Variants in CSMD3 observed in about 807,000 individuals in gnomAD.
CSMD3 encodes the protein CUB and Sushi multiple domains 3.
A neutral mutation model predicts 435.2 loss-of-function variants in CSMD3; 177 were observed. That is an observed-to-expected ratio of 0.41 (90% CI 0.36 to 0.46). The LOEUF (loss-of-function observed/expected upper bound fraction) is 0.46, where lower values mean the gene tolerates loss of function less well. Ranked by LOEUF, CSMD3 falls within the 20% of genes least tolerant of loss-of-function variation. The pLI, the probability that CSMD3 is intolerant of heterozygous loss-of-function variation, is 0.34. For missense variants in CSMD3, 4,265 were observed against 4,504.6 expected (o/e 0.95, Z 1.52); for synonymous variants, 1,656 against 1,520.5 (o/e 1.09, Z -2.07).
chr8:112,313,891 A>G lies in CSMD3; in HGVS notation c.7696+15T>C, dbSNP rs763987171. On this transcript the variant is annotated intron_variant, in intron 49 of 70. Transcript: ENST00000297405. ...TGATAGTGAGATCTGTCCTGAAGTT[A>G]TAAGTTTTACATACCTATATATCTT... 1.3e-6 allele frequency: 2 copies of G among 1,597,720 alleles called. No homozygotes were observed. Among genetic ancestry groups the G allele is most frequent in the South Asian group, 1.1e-5 (1 of 90,768 alleles).
chr8:112,916,710 A>C (rs7015844), intron 10 of CSMD3, among the ~76,000 whole-genome samples: 67,357 of 151,694 alleles, frequency 0.44, 15,122 homozygotes, highest in East Asian at 0.51. Context: ...TTTTCTAATT[A>C]CCTTTGCATA....
chr8:112,636,580 C>G (rs2074666514), intron 22 of CSMD3, among the ~76,000 whole-genome samples: 2 of 142,610 alleles, frequency 1.4e-5, no homozygotes, highest in South Asian at 4.5e-4. Context: ...ATCTATCTAT[C>G]TATCTAATTT....
chr8:112,339,189 C>T (rs1824857577), intron 42 of CSMD3, among the ~76,000 whole-genome samples: 1 of 152,006 alleles, frequency 6.6e-6, no homozygotes, highest in South Asian at 2.1e-4. Context: ...AGGCCGAGTC[C>T]TCGTTTGCAC....
chr8:113,364,338 G>A (rs2133011118), intron 1 of CSMD3, among the ~76,000 whole-genome samples: 1 of 151,812 alleles, frequency 6.6e-6, no homozygotes, highest in East Asian at 1.9e-4. Context: ...GTATAGTTGA[G>A]GAGAATATTA....
At chr8:112,663,525 T>C (rs1310499187) in intron 17 of CSMD3, among the ~76,000 whole-genome samples, 3 of 150,268 alleles carry the variant, frequency 2.0e-5, no homozygotes, top group African/African-American at 7.3e-5. Flanking sequence ...TTAGGAGATA[T>C]ACTTAATGTT....
At chr8:112,706,087 G>T (rs1367690034) in intron 13 of CSMD3, among the ~76,000 whole-genome samples, 2 of 151,982 alleles carry the variant, frequency 1.3e-5, no homozygotes, top group Non-Finnish European at 2.9e-5. Flanking sequence ...TCAGATATAT[G>T]CTCAAGGGCA....
intron 1 of CSMD3, among the ~76,000 whole-genome samples, chr8:113,319,599 G>C (rs2093935214): frequency 6.6e-6 from 1 of 151,808 alleles, no homozygotes. Context: ...TTTGTAGTTT[G>C]AGCTTTTTGG....
intron 2 of CSMD3, among the ~76,000 whole-genome samples, chr8:113,293,055 C>G (rs1363934083): frequency 6.6e-6 from 1 of 151,730 alleles, no homozygotes; most frequent in African/African-American, 2.4e-5. Context: ...ATCATTGCAA[C>G]CATGACACAC....
chr8:112,310,013 C>T (rs904003404), intron 50 of CSMD3, among the ~76,000 whole-genome samples: 3 of 152,038 alleles, frequency 2.0e-5, no homozygotes, highest in Non-Finnish European at 4.4e-5. Context: ...CTATCTGCAT[C>T]TTTACATGCT....
At chr8:113,203,768 T>G (rs1373989581) in intron 3 of CSMD3, among the ~76,000 whole-genome samples, 1 of 152,158 alleles carries the variant, frequency 6.6e-6, no homozygotes, top group African/African-American at 2.4e-5. Context: ...GTAGATAACA[T>G]GTACAGACTT....
intron 1 of CSMD3, among the ~76,000 whole-genome samples, chr8:113,352,254 C>T (rs906319013): frequency 2.0e-5 from 3 of 151,880 alleles, no homozygotes; most frequent in Admixed American, 2.0e-4. Context: ...ACCTATGATG[C>T]GTATGCCTGT....
At chr8:113,061,280 T>C (rs1487160695) in intron 5 of CSMD3, among the ~76,000 whole-genome samples, 1 of 152,144 alleles carries the variant, frequency 6.6e-6, no homozygotes, top group Non-Finnish European at 1.5e-5. Flanking sequence ...TATAGGGTTC[T>C]GCTATATAGG....
chr8:112,506,987 A>G (rs1822601656), intron 28 of CSMD3, among the ~76,000 whole-genome samples, 158 bp from the exon 29 acceptor site: 1 of 152,178 alleles, frequency 6.6e-6, no homozygotes, highest in African/African-American at 2.4e-5. Context: ...ATGTTTCAAG[A>G]AAGACCATTA....
intron 10 of CSMD3, among the ~76,000 whole-genome samples, chr8:112,887,147 TC>T: frequency 6.6e-6 from 1 of 151,392 alleles, no homozygotes; most frequent in South Asian, 2.1e-4. Context: ...CAGTTAAAGC[TC>T]ACCTATCATA....
chr8:113,068,920 G>T (rs2088979201), intron 5 of CSMD3, among the ~76,000 whole-genome samples: 1 of 151,802 alleles, frequency 6.6e-6, no homozygotes, highest in Admixed American at 6.6e-5. Context: ...AAATTCATCT[G>T]CAAATCTTAA....
intron 32 of CSMD3, among the ~76,000 whole-genome samples, chr8:112,462,726 A>G (rs185592144): frequency 6.6e-6 from 1 of 152,314 alleles, no homozygotes; most frequent in Admixed American, 6.5e-5. Context: ...TAAAACATGT[A>G]AAATCATTTT....
rs1199799282 is a variant in CSMD3 at position 112,859,188 on chromosome 8, T to C, written c.1712A>G (p.Asn571Ser). 1 of 1,611,270 alleles carries C rather than the reference T, an allele frequency of 6.2e-7. No homozygotes were observed. The highest frequency in any genetic ancestry group is 1.1e-5 in the South Asian group (1 of 91,052). Residue 571 changes from asparagine to serine, a missense_variant, in exon 11 of 71, where the codon AAT becomes AGT. Physicochemically the swap from Asn to Ser is conservative, Grantham distance 46. Around this residue, in one of 3 missense-constraint regions of CSMD3, gnomAD observed 731 missense variants for 755.4 expected, o/e 0.97. Coordinates refer to ENST00000297405, the MANE Select transcript of CSMD3 (RefSeq NM_198123.2). Reference sequence around the variant, plus strand: ...TGTGATGACCCAGACACATTGTGCATTGCTGTCATACTGGAACGGAAAGTT... The same window carrying C: ...TGTGATGACCCAGACACATTGTGCACTGCTGTCATACTGGAACGGAAAGTT... ...SPNFPFQYDS[N>S]AQCVWVITAV...
intron 31 of CSMD3, among the ~76,000 whole-genome samples, chr8:112,477,085 T>C (rs1362042980): frequency 6.6e-6 from 1 of 152,226 alleles, no homozygotes. Context: ...TAATGTTCTG[T>C]AGTCAGCATA....
chr8:112,982,168 A>C (rs143690342), intron 6 of CSMD3, among the ~76,000 whole-genome samples: 235 of 152,000 alleles, frequency 1.5e-3, no homozygotes, highest in African/African-American at 5.5e-3. Context: ...CGATGTGTAG[A>C]GGTGCATCAT....
Sources: allele counts gnomAD v4.1 joint callset (sites outside exome capture counted in the v4.1 genomes callset), GRCh38; gene constraint gnomAD v4.1.1; regional missense constraint gnomAD v4.1.1; transcripts MANE v1.5; gene names NCBI Gene and HGNC (gene_info 2026-07-23, HGNC 2026-07-21).